Variants in EPHA5 observed in about 807,000 individuals in gnomAD.
EPHA5 encodes the protein ephrin type-A receptor 5.
EPHA5 carries 60 observed loss-of-function variants against 105.0 expected under a neutral mutation model. The observed-to-expected ratio is 0.57, with a 90% CI of 0.46 to 0.71. The LOEUF is 0.71. Ranked by LOEUF, EPHA5 falls within the 30% of genes least tolerant of loss-of-function variation. EPHA5 has a pLI of 0.00. For missense variants in EPHA5, 1,218 were observed against 1,274.7 expected (o/e 0.96, Z 0.68); for synonymous variants, 513 against 449.1 (o/e 1.14, Z -1.80).
At chr4:65,648,290 G>T (rs4608860) in intron 1 of EPHA5, among the ~76,000 whole-genome samples, 88,386 of 152,020 alleles carry the variant, frequency 0.58, 25,831 homozygotes, top group Middle Eastern at 0.68. Context: ...GTATCACTTT[G>T]ACTCCACTAC....
chr4:65,353,206 T>TA (rs1722991351), intron 11 of EPHA5, 103 bp from the exon 12 acceptor site: 1 of 220,226 alleles, frequency 4.5e-6, no homozygotes. Context: ...ATTGTATATA[T>TA]ATATATATAT....
At chr4:65,635,607 A>G (rs1372291031) in intron 2 of EPHA5, among the ~76,000 whole-genome samples, 1 of 152,170 alleles carries the variant, frequency 6.6e-6, no homozygotes, top group African/African-American at 2.4e-5. Context: ...CAGAAAAAAA[A>G]AGAGCAATAG....
chr4:65,617,340 G>A (rs982742284), intron 2 of EPHA5, among the ~76,000 whole-genome samples: 1 of 152,024 alleles, frequency 6.6e-6, no homozygotes, highest in Non-Finnish European at 1.5e-5. Flanking sequence ...GTGATCAATT[G>A]TTGGTGTATC....
chr4:65,590,881 T>A (rs903928291), intron 3 of EPHA5, among the ~76,000 whole-genome samples: 6 of 152,094 alleles, frequency 3.9e-5, no homozygotes, highest in Non-Finnish European at 8.8e-5. Flanking sequence ...CAATTAAAAG[T>A]ACAGATAGAT....
rs562268174 is a variant in EPHA5 at position 65,618,947 on chromosome 4, G to T, written c.247-16643C>A. 6.1e-4 allele frequency among the ~76,000 whole-genome samples: 93 copies of T among 152,256 alleles called. 1 individual carries two copies. In the East Asian group the frequency reaches 0.018, roughly 29 times the overall value. On this transcript the variant is annotated intron_variant, in intron 2 of 16. Coordinates refer to ENST00000613740, the MANE Select transcript of EPHA5 (RefSeq NM_001281766.3). Reference sequence around the variant, plus strand: ...AGGCGGGTAGATGATTTGAGGTCAGGAGTTTGAGACCAGCCTGGCCAAAAT... The same window carrying T: ...AGGCGGGTAGATGATTTGAGGTCAGTAGTTTGAGACCAGCCTGGCCAAAAT...
chr4:65,394,502 A>G (rs1329230398), intron 8 of EPHA5, among the ~76,000 whole-genome samples: 1 of 152,190 alleles, frequency 6.6e-6, no homozygotes, highest in East Asian at 1.9e-4. Context: ...CTCTAGTAGG[A>G]CAGACAGACT....
At chr4:65,566,902 G>A (rs1361288493) in intron 3 of EPHA5, among the ~76,000 whole-genome samples, 1 of 151,004 alleles carries the variant, frequency 6.6e-6, no homozygotes, top group African/African-American at 2.4e-5. Context: ...TTTTTATAAC[G>A]GAGGCTTGTT....
chr4:65,462,430 C>G (rs1276521064), intron 5 of EPHA5, among the ~76,000 whole-genome samples: 1 of 152,150 alleles, frequency 6.6e-6, no homozygotes, highest in East Asian at 1.9e-4. Flanking sequence ...ACTGTTTATT[C>G]TCACAATTCT....
In EPHA5 at chr4:65,322,561, A is replaced by C. The variant is rs1719719613; in HGVS notation, c.*1553T>G. The C allele has an allele frequency of 4.4e-6, 1 of 224,748 alleles. No homozygotes were observed. The highest frequency in any genetic ancestry group is 1.8e-4 in the South Asian group (1 of 5,474). 13.9% of individuals were successfully genotyped at this position (224,748 alleles called of 1,614,324 possible). On this transcript the variant is annotated 3_prime_UTR_variant, in exon 17 of 17. Coordinates refer to ENST00000613740, the MANE Select transcript of EPHA5 (RefSeq NM_001281766.3). ...AAAATGTTGGTTATCTCAGGAGCTCAGTTTTGGACAATTTCTAATACACTG... is the reference window on the plus strand; with the variant it reads ...AAAATGTTGGTTATCTCAGGAGCTCCGTTTTGGACAATTTCTAATACACTG...
chr4:65,601,750 C>T lies in EPHA5; in HGVS notation c.801G>A (p.Val267=), dbSNP rs1578546413. The T allele has an allele frequency of 6.2e-7, 1 of 1,614,070 alleles. No individual in the cohort carries two copies. The change falls in exon 3 of 17, where the codon GTG becomes GTA. Residue 267 remains valine (V), a synonymous_variant. Transcript: ENST00000613740. ...EVSGSCVNHS[V]TDEPPKMHCS... ...AGTGCATTTTGGGAGGTTCATCGGT[C>T]ACAGAATGGTTGACACAGGAGCCTG...
At chr4:65,452,940 T>C (rs1727207515) in intron 5 of EPHA5, among the ~76,000 whole-genome samples, 1 of 152,196 alleles carries the variant, frequency 6.6e-6, no homozygotes, top group Non-Finnish European at 1.5e-5. Flanking sequence ...AGCATTCTTT[T>C]TCTTTCCTAT....
At chr4:65,558,865 TC>T (rs1738730341) in intron 3 of EPHA5, among the ~76,000 whole-genome samples, 1 of 152,176 alleles carries the variant, frequency 6.6e-6, no homozygotes, top group Non-Finnish European at 1.5e-5. Context: ...AGCAAATTTC[TC>T]ATTTAAAAAA....
At chr4:65,346,066 G>A (rs1341298179) in intron 14 of EPHA5, among the ~76,000 whole-genome samples, 15 of 143,620 alleles carry the variant, frequency 1.0e-4, no homozygotes, top group Non-Finnish European at 3.0e-5. Flanking sequence ...GCCAGCCCGT[G>A]CCTCTTCTTT....
intron 2 of EPHA5, among the ~76,000 whole-genome samples, chr4:65,630,076 C>T (rs1257864249): frequency 1.5e-5 from 1 of 66,030 alleles, no homozygotes; most frequent in Non-Finnish European, 3.5e-5. Flanking sequence ...CACTCTCTCT[C>T]TCTCTCACAC....
intron 3 of EPHA5, among the ~76,000 whole-genome samples, chr4:65,513,441 C>A (rs1181294514): frequency 6.6e-6 from 1 of 152,040 alleles, no homozygotes; most frequent in Non-Finnish European, 1.5e-5. Context: ...GGCTGGAGTG[C>A]AGTGACGCAA....
At chr4:65,471,864 A>G (rs1729317371) in intron 5 of EPHA5, among the ~76,000 whole-genome samples, 1 of 152,142 alleles carries the variant, frequency 6.6e-6, no homozygotes. Context: ...GAGCCAAACC[A>G]TATCATTCCT....
intron 5 of EPHA5, among the ~76,000 whole-genome samples, chr4:65,468,933 C>A (rs1729022257): frequency 6.6e-6 from 1 of 151,840 alleles, no homozygotes; most frequent in African/African-American, 2.4e-5. Flanking sequence ...ACATCTGGGG[C>A]CCTGTGGAGT....
intron 8 of EPHA5, among the ~76,000 whole-genome samples, chr4:65,401,904 T>TGAGAGA (rs34334792): frequency 6.1e-5 from 9 of 148,566 alleles, no homozygotes; most frequent in Non-Finnish European, 5.9e-5. Context: ...TGTGTGTGTG[T>TGAGAGA]GAGAGAGAGA....
intron 3 of EPHA5, among the ~76,000 whole-genome samples, chr4:65,566,218 A>C (rs1218380243): frequency 6.6e-6 from 1 of 151,766 alleles, no homozygotes; most frequent in East Asian, 1.9e-4. Context: ...CATGCAACAA[A>C]GATGTTCAGT....
Sources: allele counts gnomAD v4.1 joint callset (sites outside exome capture counted in the v4.1 genomes callset), GRCh38; gene constraint gnomAD v4.1.1; transcripts MANE v1.5; gene names NCBI Gene and HGNC (gene_info 2026-07-23, HGNC 2026-07-21).